Variants in IQCH observed in about 807,000 individuals in gnomAD.
IQCH encodes the protein IQ domain-containing protein H.
Under a neutral mutation model 117.0 loss-of-function variants are expected in IQCH, and 98 were observed. The ratio of observed to expected loss-of-function variants is 0.84; its 90% CI spans 0.71 to 0.99. IQCH has a LOEUF of 0.99. Among genes scored for constraint, IQCH ranks in the 50% least tolerant of loss-of-function variants. The pLI is 0.00. For synonymous variants in IQCH, 412 were observed against 448.2 expected (o/e 0.92, Z 1.02); for missense variants, 1,102 against 1,243.8 (o/e 0.89, Z 1.72).
intron 4 of IQCH, among the ~76,000 whole-genome samples, chr15:67,313,850 C>T (rs1967717918): frequency 1.3e-5 from 2 of 152,150 alleles, no homozygotes; most frequent in Non-Finnish European, 2.9e-5. Context: ...TGATCTCTAT[C>T]CCTTGATGTC....
Position 67,365,787 on chromosome 15 carries a change from G to A in IQCH, c.753+5902G>A, listed in dbSNP as rs1253891618. Among the ~76,000 whole-genome samples, 8 of 152,078 alleles carry A rather than the reference G, an allele frequency of 5.3e-5. No individual in the cohort carries two copies. Among genetic ancestry groups the A allele is most frequent in the Non-Finnish European group, 7.4e-5 (5 of 68,014 alleles). On this transcript the variant is annotated intron_variant, in intron 8 of 20. Coordinates refer to ENST00000335894, the MANE Select transcript of IQCH (RefSeq NM_001031715.3). The surrounding 1 kb of genome is among the most constrained non-coding windows in gnomAD (Gnocchi z 4.4). ...TCTACTAAAAATATAAAAGTTAGCC[G>A]GGTGTGGTGGCGCGTGCCTGTAATC...
intron 4 of IQCH, among the ~76,000 whole-genome samples, chr15:67,297,643 G>A (rs192666375): frequency 2.6e-4 from 40 of 152,208 alleles, no homozygotes; most frequent in Admixed American, 2.6e-3. Flanking sequence ...CCCAGTCCAT[G>A]CGCAATTTTC....
rs112669452 is a variant in IQCH, at chr15:67,272,359, G to C, written c.270-7036G>C. Among the ~76,000 whole-genome samples the C allele has an allele frequency of 4.6e-3, 696 of 152,248 alleles. 7 individuals carry two copies. The highest frequency in any genetic ancestry group is 0.016 in the African/African-American group (675 of 41,538). The stretch of plus-strand genomic sequence containing the variant: ...ATTTCTAAGAATGTTCTCTATTCTG[G>C]AGAACGTTCCATGTGCTGATAAAAA... On this transcript the variant is annotated intron_variant, in intron 3 of 20. Transcript: ENST00000335894.
At chr15:67,311,645 C>T (rs1967601069) in intron 4 of IQCH, among the ~76,000 whole-genome samples, 1 of 150,276 alleles carries the variant, frequency 6.7e-6, no homozygotes, top group African/African-American at 2.4e-5. Context: ...CATATAGGTA[C>T]ATAATACTAT....
intron 3 of IQCH, among the ~76,000 whole-genome samples, chr15:67,263,801 A>ACAT (rs1239387791): frequency 6.6e-6 from 1 of 152,238 alleles, no homozygotes. Flanking sequence ...AACTTGCTTG[A>ACAT]AATATCTATT....
At chr15:67,358,410 G>A (rs545501447) in intron 7 of IQCH, among the ~76,000 whole-genome samples, 1 of 150,828 alleles carries the variant, frequency 6.6e-6, no homozygotes, top group Non-Finnish European at 1.5e-5. Context: ...TGGCCAGGCT[G>A]GTCTCGAACT....
rs2082865200 is a variant in IQCH, at chr15:67,463,865, CAG to C, written c.2506-1259_2506-1258del. On this transcript the variant is annotated intron_variant, in intron 16 of 20. Transcript: ENST00000335894. The surrounding 1 kb of genome is among the most constrained non-coding windows in gnomAD (Gnocchi z 4.0). ...ATTTTTATTTTTTATTTTTTTGAGACAGAGTCTCACTCTGCCACCCAGGCTGG... is the reference window on the plus strand; with the variant it reads ...ATTTTTATTTTTTATTTTTTTGAGACAGTCTCACTCTGCCACCCAGGCTGG... 6.6e-6 allele frequency among the ~76,000 whole-genome samples: 1 copy of C among 151,980 alleles called. No individual in the cohort carries two copies. The highest frequency in any genetic ancestry group is 2.4e-5 in the African/African-American group (1 of 41,380).
rs753274692 is a variant in IQCH, at chr15:67,386,594, A to G, written c.1456+1575A>G. 1.5e-4 allele frequency among the ~76,000 whole-genome samples: 23 copies of G among 152,120 alleles called. No individual in the cohort carries two copies. Among genetic ancestry groups the G allele is most frequent in the Non-Finnish European group, 2.4e-4 (16 of 68,010 alleles). On this transcript the variant is annotated intron_variant, in intron 11 of 20. Transcript: ENST00000335894. The surrounding 1 kb of genome is among the most constrained non-coding windows in gnomAD (Gnocchi z 5.0). ...ATGGAAGAATACATTATTATCCCCT[A>G]TGGTTTTTCTTCTTATTCGGGGGAA...
intron 5 of IQCH, among the ~76,000 whole-genome samples, chr15:67,339,942 C>A (rs927715247): frequency 1.3e-5 from 2 of 152,154 alleles, no homozygotes; most frequent in African/African-American, 4.8e-5. Flanking sequence ...ATTTCAACTG[C>A]AGGACCTATA....
At chr15:67,471,502 A>T (rs960639028) in intron 17 of IQCH, among the ~76,000 whole-genome samples, 4 of 149,152 alleles carry the variant, frequency 2.7e-5, no homozygotes, top group African/African-American at 9.7e-5. Context: ...ACAGAATAGG[A>T]AACTGAGGCT....
intron 4 of IQCH, among the ~76,000 whole-genome samples, chr15:67,332,915 G>A (rs1020363275): frequency 4.6e-5 from 7 of 152,116 alleles, no homozygotes; most frequent in African/African-American, 1.7e-4. Context: ...ACAAAAATAC[G>A]ATAAACTGGG....
chr15:67,361,798 G>A (rs1970145089), intron 8 of IQCH, among the ~76,000 whole-genome samples: 1 of 152,128 alleles, frequency 6.6e-6, no homozygotes, highest in Admixed American at 6.5e-5. Context: ...AATGATAGTA[G>A]AGTTTGTAAT....
intron 16 of IQCH, among the ~76,000 whole-genome samples, chr15:67,448,937 C>G (rs1395428146): frequency 2.0e-5 from 3 of 152,206 alleles, no homozygotes; most frequent in African/African-American, 7.2e-5. Context: ...GAGATGGTAT[C>G]TCATTGTGGT....
At chr15:67,409,054 C>CT (rs1183052319) in intron 14 of IQCH, among the ~76,000 whole-genome samples, 4 of 152,078 alleles carry the variant, frequency 2.6e-5, no homozygotes, top group Admixed American at 6.6e-5. Flanking sequence ...ACATATTCTT[C>CT]TTTTTTTAAA....
chr15:67,333,068 G>A (rs1253751125), intron 4 of IQCH, among the ~76,000 whole-genome samples: 7 of 152,174 alleles, frequency 4.6e-5, no homozygotes, highest in African/African-American at 1.7e-4. Context: ...CTCACATGGT[G>A]GAGGGGACAT....
rs979359415 is a variant in IQCH, at chr15:67,395,080, C to T, written c.1633-211C>T. 6.6e-6 allele frequency among the ~76,000 whole-genome samples: 1 copy of T among 152,110 alleles called. No individual in the cohort carries two copies. The highest frequency in any genetic ancestry group is 1.5e-5 in the Non-Finnish European group (1 of 68,032). On this transcript the variant is annotated intron_variant, in intron 12 of 20. Coordinates refer to ENST00000335894, the MANE Select transcript of IQCH (RefSeq NM_001031715.3). This position sits in a 1 kb window ranked among gnomAD's most constrained non-coding sequence, Gnocchi z 4.0. The stretch of plus-strand genomic sequence containing the variant: ...CAGACGTGTAGTAATTAGTTCTATT[C>T]CCAGTGAGCCTATTTCCAACACACT...
rs1326115309 is a variant in IQCH at position 67,366,512 on chromosome 15, C to T, written c.754-5599C>T. On this transcript the variant is annotated intron_variant, in intron 8 of 20. Coordinates refer to ENST00000335894, the MANE Select transcript of IQCH (RefSeq NM_001031715.3). This position sits in a 1 kb window ranked among gnomAD's most constrained non-coding sequence, Gnocchi z 4.4. The stretch of plus-strand genomic sequence containing the variant: ...TCTCCTCAGGAAGTGTTTCAGAGTT[C>T]AGGAAGACTCATTTGAATAAAGATA... Among the ~76,000 whole-genome samples, 1 of 152,168 alleles carries T rather than the reference C, an allele frequency of 6.6e-6. No homozygotes were observed. Among genetic ancestry groups the T allele is most frequent in the Non-Finnish European group, 1.5e-5 (1 of 68,030 alleles).
At position 67,366,837 on chromosome 15, in the gene IQCH, C is replaced by T. The variant is rs894264004; in HGVS notation, c.754-5274C>T. Reference sequence around the variant, plus strand: ...TTTACCATTAGGTGGTGTGGGCAGTCGTTCATCTATTTTGATTTCAGAGTT... The same window carrying T: ...TTTACCATTAGGTGGTGTGGGCAGTTGTTCATCTATTTTGATTTCAGAGTT... On this transcript the variant is annotated intron_variant, in intron 8 of 20. Transcript: ENST00000335894. This position sits in a 1 kb window ranked among gnomAD's most constrained non-coding sequence, Gnocchi z 4.4. 3.9e-5 allele frequency among the ~76,000 whole-genome samples: 6 copies of T among 152,058 alleles called. No homozygotes were observed. The highest frequency in any genetic ancestry group is 1.9e-4 in the East Asian group (1 of 5,190).
At chr15:67,492,311 G>A (rs2083678017) in intron 19 of IQCH, among the ~76,000 whole-genome samples, 1 of 152,164 alleles carries the variant, frequency 6.6e-6, no homozygotes, top group Non-Finnish European at 1.5e-5. Context: ...GTGTCTTACT[G>A]GGCACCAGCT....
Sources: gnomAD v4.1 joint callset for allele counts (sites outside exome capture counted in the v4.1 genomes callset) on GRCh38, gnomAD v4.1.1 for gene constraint, Gnocchi (gnomAD v3.1) non-coding constraint, MANE v1.5 for transcripts, NCBI Gene and HGNC (gene_info 2026-07-23, HGNC 2026-07-21) for gene names.